SLC35F1: variants seen among roughly 807,000 people sequenced by gnomAD.
The protein encoded by SLC35F1 is solute carrier family 35 member F1.
In SLC35F1, 14 loss-of-function variants were observed where a neutral mutation model predicts 48.7. The ratio of observed to expected loss-of-function variants is 0.29; its 90% CI spans 0.19 to 0.45. SLC35F1 has a LOEUF of 0.45. SLC35F1 is among the 20% of genes least tolerant of loss of function. The pLI is 1.00. For missense variants in SLC35F1, 404 were observed against 500.0 expected, an observed-to-expected ratio of 0.81 and a Z score of 1.83; for synonymous variants, 190 against 202.2, an observed-to-expected ratio of 0.94 and a Z score of 0.51.
chr6:117,914,065 A>AAAAAC (rs1327443394), intron 1 of SLC35F1, among the ~76,000 whole-genome samples: 1 of 151,330 alleles, frequency 6.6e-6, no homozygotes, highest in Non-Finnish European at 1.5e-5. Context: ...AAATCCCCCC[A>AAAAAC]AAAACAAAAA....
chr6:118,272,854 T>C (rs1216022807), intron 4 of SLC35F1, among the ~76,000 whole-genome samples: 1 of 149,828 alleles, frequency 6.7e-6, no homozygotes, highest in Non-Finnish European at 1.5e-5. Flanking sequence ...TGGAAATAAC[T>C]AGATACAAAT....
chr6:118,256,788 T>C (rs554679141), intron 3 of SLC35F1, among the ~76,000 whole-genome samples: 1 of 152,266 alleles, frequency 6.6e-6, no homozygotes, highest in East Asian at 1.9e-4. Flanking sequence ...AAACCCATCA[T>C]AAGTTGAAAA....
intron 1 of SLC35F1, among the ~76,000 whole-genome samples, chr6:118,103,961 T>TA (rs1773294533): frequency 6.6e-6 from 1 of 152,210 alleles, no homozygotes; most frequent in Non-Finnish European, 1.5e-5. Context: ...CTAGTAAACT[T>TA]ACACTTAAAA....
chr6:117,923,710 C>CACGTGT (rs1562238876), intron 1 of SLC35F1, among the ~76,000 whole-genome samples: 8 of 22,552 alleles, frequency 3.5e-4, no homozygotes, highest in African/African-American at 1.1e-3. Flanking sequence ...CATATATGTA[C>CACGTGT]ATATATACAT....
chr6:117,999,432 C>G, intron 1 of SLC35F1: 1 of 1,585,472 alleles, frequency 6.3e-7, no homozygotes, highest in Non-Finnish European at 8.5e-7. Context: ...CAGGCCCCTA[C>G]AAAGGCTTCA....
chr6:117,919,925 G>A (rs747955089), intron 1 of SLC35F1, among the ~76,000 whole-genome samples: 1 of 152,210 alleles, frequency 6.6e-6, no homozygotes, highest in South Asian at 2.1e-4. Context: ...CTCTTGAACT[G>A]GGGAGATTAC....
chr6:118,288,861 T>C (rs1220947836), intron 7 of SLC35F1, among the ~76,000 whole-genome samples: 1 of 152,076 alleles, frequency 6.6e-6, no homozygotes, highest in Non-Finnish European at 1.5e-5. Flanking sequence ...CCCCTAGTGA[T>C]AACATCTTGC....
intron 1 of SLC35F1, among the ~76,000 whole-genome samples, chr6:117,934,758 T>A (rs1313622329): frequency 6.6e-6 from 1 of 152,220 alleles, no homozygotes; most frequent in Non-Finnish European, 1.5e-5. Context: ...AATGTTTTAC[T>A]CAACGGTAAG....
chr6:117,962,578 T>C (rs1432463444), intron 1 of SLC35F1, among the ~76,000 whole-genome samples: 1 of 152,102 alleles, frequency 6.6e-6, no homozygotes, highest in African/African-American at 2.4e-5. Flanking sequence ...TGCTGCTCTC[T>C]TTCTTGGCAA....
chr6:118,033,744 G>C (rs1562269683), intron 1 of SLC35F1, among the ~76,000 whole-genome samples: 5 of 152,218 alleles, frequency 3.3e-5, no homozygotes, highest in Admixed American at 3.3e-4. Context: ...CAAGAAGAGG[G>C]GGAAGACGTG....
chr6:118,095,406 A>T (rs1042481786), intron 1 of SLC35F1, among the ~76,000 whole-genome samples: 2 of 152,180 alleles, frequency 1.3e-5, no homozygotes, highest in African/African-American at 4.8e-5. Context: ...TTATCTGTAC[A>T]GTCCAGATGA....
intron 1 of SLC35F1, among the ~76,000 whole-genome samples, chr6:118,148,512 T>C (rs144333484): frequency 6.6e-6 from 1 of 152,210 alleles, no homozygotes; most frequent in Admixed American, 6.5e-5. Flanking sequence ...ATACAAGCTC[T>C]ATTATAACAG....
intron 1 of SLC35F1, among the ~76,000 whole-genome samples, chr6:117,911,468 G>A (rs2114793624): frequency 7.2e-6 from 1 of 139,804 alleles, no homozygotes; most frequent in African/African-American, 2.7e-5. Flanking sequence ...CAGGATCTTG[G>A]TCTGTTGCCC....
At chr6:117,997,673 T>C (rs1489852315) in intron 1 of SLC35F1, among the ~76,000 whole-genome samples, 1 of 152,170 alleles carries the variant, frequency 6.6e-6, no homozygotes, top group Admixed American at 6.5e-5. Flanking sequence ...CCAGCCAAGC[T>C]AAGCTTCATA....
chr6:118,241,142 T>C (rs1472083099), intron 3 of SLC35F1, among the ~76,000 whole-genome samples: 2 of 152,132 alleles, frequency 1.3e-5, no homozygotes, highest in African/African-American at 4.8e-5. Context: ...TGACTTAATG[T>C]TGTAGGTAAA....
At chr6:118,194,433 C>T (rs1014306634) in intron 2 of SLC35F1, among the ~76,000 whole-genome samples, 3 of 152,084 alleles carry the variant, frequency 2.0e-5, no homozygotes, top group African/African-American at 7.2e-5. Flanking sequence ...GTTTAGCTCC[C>T]AAGGACATAA....
chr6:118,161,430 G>A (rs1774233065), intron 2 of SLC35F1, among the ~76,000 whole-genome samples: 1 of 152,158 alleles, frequency 6.6e-6, no homozygotes, highest in South Asian at 2.1e-4. Flanking sequence ...CACTGAGAAG[G>A]GACTGTTATT....
chr6:118,279,043 C>G (rs1284259795), intron 6 of SLC35F1, among the ~76,000 whole-genome samples: 1 of 152,168 alleles, frequency 6.6e-6, no homozygotes. Flanking sequence ...ATTACAGAGC[C>G]ATCCATTTAA....
intron 7 of SLC35F1, among the ~76,000 whole-genome samples, chr6:118,311,314 A>G (rs992194649): frequency 2.6e-5 from 4 of 152,042 alleles, no homozygotes; most frequent in Admixed American, 6.6e-5. Flanking sequence ...AGTTTGAACT[A>G]CTCCACTGGT....
Sources: allele counts gnomAD v4.1 joint callset (sites outside exome capture counted in the v4.1 genomes callset), GRCh38; gene constraint gnomAD v4.1.1; transcripts MANE v1.5; gene names NCBI Gene and HGNC (gene_info 2026-07-23, HGNC 2026-07-21).